CSMD1: variants seen among roughly 807,000 people sequenced by gnomAD.
CSMD1 encodes the protein CUB and sushi domain-containing protein 1.
In CSMD1, 213 loss-of-function variants were observed where a neutral mutation model predicts 417.5. That is an observed-to-expected ratio of 0.51 (90% CI 0.46 to 0.57). The LOEUF is 0.57. CSMD1 is among the 20% of genes least tolerant of loss of function. The probability of loss-of-function intolerance (pLI) is 0.00; values close to 1 mark genes in which losing one functional copy is unlikely to be tolerated. For synonymous variants in CSMD1, 2,862 were observed against 1,736.8 expected, an observed-to-expected ratio of 1.65 and a Z score of -16.11; for missense variants, 6,923 against 4,529.7, an observed-to-expected ratio of 1.53 and a Z score of -15.17.
chr8:4,855,014 G>A (rs926270234), intron 1 of CSMD1, among the ~76,000 whole-genome samples: 1 of 152,146 alleles, frequency 6.6e-6, no homozygotes, highest in South Asian at 2.1e-4. Flanking sequence ...AAATGTCCCT[G>A]TCTGACAGGT....
chr8:3,238,764 G>A (rs1799310956), intron 26 of CSMD1, among the ~76,000 whole-genome samples: 3 of 152,210 alleles, frequency 2.0e-5, no homozygotes, highest in Non-Finnish European at 1.5e-5. Flanking sequence ...GAGAGTGCCT[G>A]ACGAGGTTCA....
At chr8:4,489,559 G>T (rs1257477492) in intron 2 of CSMD1, among the ~76,000 whole-genome samples, 1 of 152,146 alleles carries the variant, frequency 6.6e-6, no homozygotes, top group Non-Finnish European at 1.5e-5. Context: ...GGCTATGAAG[G>T]TGCCACCCTC....
At chr8:4,351,513 A>G (rs1250731872) in intron 3 of CSMD1, among the ~76,000 whole-genome samples, 1 of 152,242 alleles carries the variant, frequency 6.6e-6, no homozygotes, top group South Asian at 2.1e-4. Flanking sequence ...AAATTGACAG[A>G]ACTTAAATTG....
chr8:4,207,172 T>C (rs748682441), intron 3 of CSMD1, among the ~76,000 whole-genome samples: 1 of 152,128 alleles, frequency 6.6e-6, no homozygotes, highest in Non-Finnish European at 1.5e-5. Context: ...TAGTAATAAG[T>C]ATAAGATTAC....
intron 10 of CSMD1, among the ~76,000 whole-genome samples, chr8:3,502,393 A>C (rs1026095884): frequency 2.1e-5 from 3 of 145,124 alleles, no homozygotes; most frequent in Non-Finnish European, 4.5e-5. Context: ...AAGTATTTCC[A>C]CACAACAAAC....
chr8:4,299,135 G>A (rs1411644503), intron 3 of CSMD1, among the ~76,000 whole-genome samples: 1 of 152,078 alleles, frequency 6.6e-6, no homozygotes, highest in Non-Finnish European at 1.5e-5. Context: ...AAAAGATCTT[G>A]CCAAAACAGA....
At chr8:3,138,435 C>G (rs1297808884) in intron 41 of CSMD1, among the ~76,000 whole-genome samples, 1 of 152,114 alleles carries the variant, frequency 6.6e-6, no homozygotes, top group Non-Finnish European at 1.5e-5. Context: ...GCAAGTCACA[C>G]CACCACACTT....
intron 5 of CSMD1, among the ~76,000 whole-genome samples, chr8:3,890,526 A>G (rs539630247): frequency 4.6e-5 from 7 of 152,180 alleles, no homozygotes; most frequent in East Asian, 1.9e-4. Flanking sequence ...CTCGGTGGGG[A>G]ACAAAATAAC....
At chr8:4,699,780 G>C (rs1354757919) in intron 1 of CSMD1, among the ~76,000 whole-genome samples, 1 of 152,174 alleles carries the variant, frequency 6.6e-6, no homozygotes, top group South Asian at 2.1e-4. Flanking sequence ...GTCAGGAAAG[G>C]ATATGGTGCT....
intron 5 of CSMD1, among the ~76,000 whole-genome samples, chr8:3,828,053 A>G (rs927684736): frequency 1.3e-5 from 2 of 152,206 alleles, no homozygotes; most frequent in Non-Finnish European, 2.9e-5. Context: ...ACTCCACTTC[A>G]ATGAGCAAAA....
intron 6 of CSMD1, among the ~76,000 whole-genome samples, chr8:3,723,225 C>T (rs1465567258): frequency 3.3e-5 from 5 of 152,156 alleles, no homozygotes; most frequent in African/African-American, 7.2e-5. Flanking sequence ...CCTTCCCTGC[C>T]TTGTGACCCA....
At chr8:3,273,639 C>A (rs962714546) in intron 26 of CSMD1, among the ~76,000 whole-genome samples, 1 of 152,168 alleles carries the variant, frequency 6.6e-6, no homozygotes, top group African/African-American at 2.4e-5. Context: ...AGAGATTCAA[C>A]TTCTTCCTGG....
At chr8:3,455,271 C>T (rs1315047962) in intron 12 of CSMD1, among the ~76,000 whole-genome samples, 4 of 152,114 alleles carry the variant, frequency 2.6e-5, no homozygotes, top group Non-Finnish European at 5.9e-5. Context: ...CCTCCTTTAG[C>T]TCGGAGTAGT....
rs1805134969 is a variant in CSMD1 at position 2,978,602 on chromosome 8, C to G, written c.8566+10G>C. 1.9e-6 allele frequency: 3 copies of G among 1,571,594 alleles called. No homozygotes were observed. The highest frequency in any genetic ancestry group is 1.7e-4 in the Middle Eastern group (1 of 5,986). ...TCTCTGCACAGAAATTGGGAATAAC[C>G]CTGACTTACCCAAACACTTGGGCAG... is the stretch of plus-strand genomic sequence containing the variant. On this transcript the variant is annotated intron_variant, in intron 55 of 69. Transcript: ENST00000635120.
chr8:4,550,026 A>C (rs1027872292), intron 2 of CSMD1, among the ~76,000 whole-genome samples: 9 of 151,974 alleles, frequency 5.9e-5, no homozygotes, highest in Non-Finnish European at 1.0e-4. Flanking sequence ...TGGAGGAGAA[A>C]AGTGGCTGCA....
At chr8:4,422,437 C>A (rs1333862435) in intron 2 of CSMD1, among the ~76,000 whole-genome samples, 1 of 152,088 alleles carries the variant, frequency 6.6e-6, no homozygotes, top group African/African-American at 2.4e-5. Flanking sequence ...AATTCGGACT[C>A]TGATCCCATA....
intron 5 of CSMD1, among the ~76,000 whole-genome samples, chr8:3,927,953 C>A (rs771333356): frequency 1.3e-5 from 2 of 151,994 alleles, no homozygotes; most frequent in Non-Finnish European, 2.9e-5. Flanking sequence ...CTGTTAATTT[C>A]TTAAGTTCAT....
chr8:4,785,854 T>A (rs1797375100), intron 1 of CSMD1, among the ~76,000 whole-genome samples: 1 of 152,140 alleles, frequency 6.6e-6, no homozygotes, highest in African/African-American at 2.4e-5. Flanking sequence ...AAGATGTTCT[T>A]CATGATCCTA....
At chr8:3,511,697 G>A (rs776869512) in intron 10 of CSMD1, among the ~76,000 whole-genome samples, 7 of 149,252 alleles carry the variant, frequency 4.7e-5, no homozygotes, top group Non-Finnish European at 8.8e-5. Context: ...GGTGGAGGTT[G>A]TGGTGAGATG....
Sources: allele counts gnomAD v4.1 joint callset (sites outside exome capture counted in the v4.1 genomes callset), GRCh38; gene constraint gnomAD v4.1.1; transcripts MANE v1.5; gene names NCBI Gene and HGNC (gene_info 2026-07-23, HGNC 2026-07-21).